Variants in KCNAB1 observed in about 807,000 individuals in gnomAD.
KCNAB1 encodes the protein voltage-gated potassium channel subunit beta-1.
KCNAB1 carries 35 observed loss-of-function variants against 64.6 expected under a neutral mutation model. That is an observed-to-expected ratio of 0.54 (90% confidence interval 0.41 to 0.72). The LOEUF is 0.72. Ranked by LOEUF, KCNAB1 falls within the 30% of genes least tolerant of loss-of-function variation. The pLI is 0.00. For missense variants in KCNAB1, 401 were observed against 512.9 expected (o/e 0.78, Z 2.11); for synonymous variants, 177 against 183.8 (o/e 0.96, Z 0.30).
At chr3:156,460,116 C>A in intron 5 of KCNAB1, 1 of 427,294 alleles carries the variant, frequency 2.3e-6, no homozygotes. Flanking sequence ...GGGGGATGTT[C>A]ATGAAATATT....
intron 1 of KCNAB1, among the ~76,000 whole-genome samples, chr3:156,232,190 T>A (rs1255026863): frequency 1.3e-5 from 2 of 152,214 alleles, no homozygotes; most frequent in Non-Finnish European, 2.9e-5. Context: ...GAAGTTAGAT[T>A]AATAATTTGC....
chr3:156,497,515 C>T lies in KCNAB1; in HGVS notation c.659-16849C>T, dbSNP rs114553971. 9.6e-3 allele frequency among the ~76,000 whole-genome samples: 1,459 copies of T among 152,270 alleles called. 30 individuals carry two copies. Among genetic ancestry groups the T allele is most frequent in the African/African-American group, 0.034 (1,405 of 41,550 alleles). On this transcript the variant is annotated intron_variant, in intron 8 of 13. Transcript: ENST00000490337. ...TCCCAAGAAGCTGATACACAGACAG[C>T]TGTATAAATAAAAATCTCTAGACAG...
At chr3:156,453,638 C>T (rs1485158322) in intron 3 of KCNAB1, among the ~76,000 whole-genome samples, 1 of 152,126 alleles carries the variant, frequency 6.6e-6, no homozygotes, top group African/African-American at 2.4e-5. Flanking sequence ...TTTATCATTT[C>T]CTTTAAGGAA....
At chr3:156,306,320 G>A (rs1243070369) in intron 1 of KCNAB1, among the ~76,000 whole-genome samples, 1 of 152,142 alleles carries the variant, frequency 6.6e-6, no homozygotes, top group Non-Finnish European at 1.5e-5. Context: ...CTAGGCAGCA[G>A]GGCCACTTGA....
chr3:156,433,828 CTACA>C (rs1716398419), intron 2 of KCNAB1, among the ~76,000 whole-genome samples: 1 of 152,152 alleles, frequency 6.6e-6, no homozygotes, highest in Non-Finnish European at 1.5e-5. Context: ...TAGAGGCTTC[CTACA>C]AGTTCCCATC....
At chr3:156,236,096 TAAC>T (rs1716832530) in intron 1 of KCNAB1, among the ~76,000 whole-genome samples, 1 of 152,058 alleles carries the variant, frequency 6.6e-6, no homozygotes. Flanking sequence ...ATAATAACAA[TAAC>T]AATAATCACA....
intron 1 of KCNAB1, among the ~76,000 whole-genome samples, chr3:156,385,017 A>T (rs1712479666): frequency 1.3e-5 from 2 of 152,222 alleles, no homozygotes; most frequent in African/African-American, 4.8e-5. Context: ...TTTGGATTGG[A>T]CTTTTCTCCT....
intron 8 of KCNAB1, among the ~76,000 whole-genome samples, chr3:156,480,215 C>T (rs1172597597): frequency 4.0e-5 from 6 of 151,844 alleles, no homozygotes; most frequent in South Asian, 2.1e-4. Flanking sequence ...TCAAGCCATT[C>T]GAAAAAACAT....
chr3:156,304,831 C>T (rs1237483422), intron 1 of KCNAB1, among the ~76,000 whole-genome samples: 1 of 152,144 alleles, frequency 6.6e-6, no homozygotes, highest in African/African-American at 2.4e-5. Context: ...AAAGCATCAT[C>T]AGGTGTTAAT....
chr3:156,331,508 T>C (rs1344410021), intron 1 of KCNAB1, among the ~76,000 whole-genome samples: 2 of 152,220 alleles, frequency 1.3e-5, no homozygotes, highest in African/African-American at 4.8e-5. Flanking sequence ...TCATTTCTTC[T>C]TAAGAGAATT....
rs146639383 is a variant in KCNAB1, at chr3:156,206,621, A to G, written c.275+85735A>G. On this transcript the variant is annotated intron_variant, in intron 1 of 13. Coordinates refer to ENST00000490337, the MANE Select transcript of KCNAB1 (RefSeq NM_172160.3). The stretch of plus-strand genomic sequence containing the variant: ...AACTAACTGAAACTGACTAACCACC[A>G]TTTTTTGGATAACCCAGCATAGGTA... Among the ~76,000 whole-genome samples, 431 of 152,264 alleles carry G rather than the reference A, an allele frequency of 2.8e-3. 4 individuals carry two copies. The highest frequency in any genetic ancestry group is 9.4e-3 in the African/African-American group (392 of 41,554).
At chr3:156,504,818 A>C (rs1305850193) in intron 8 of KCNAB1, among the ~76,000 whole-genome samples, 1 of 147,696 alleles carries the variant, frequency 6.8e-6, no homozygotes, top group Non-Finnish European at 1.5e-5. Flanking sequence ...TCCTTGTTAG[A>C]TGAATAATTC....
chr3:156,327,528 G>A (rs748493855), intron 1 of KCNAB1, among the ~76,000 whole-genome samples: 3 of 152,094 alleles, frequency 2.0e-5, no homozygotes, highest in South Asian at 2.1e-4. Flanking sequence ...TGTGTGTCAC[G>A]TATTGTGTTA....
intron 1 of KCNAB1, among the ~76,000 whole-genome samples, chr3:156,327,571 G>A (rs567467504): frequency 4.6e-5 from 7 of 152,194 alleles, no homozygotes; most frequent in African/African-American, 9.6e-5. Flanking sequence ...GGCTAGATCC[G>A]GGGCTTACAT....
intron 11 of KCNAB1, 86 bp downstream of exon 11, chr3:156,516,450 C>A: frequency 1.1e-6 from 1 of 951,326 alleles, no homozygotes; most frequent in Non-Finnish European, 1.7e-6. Flanking sequence ...CAGCCTAGGG[C>A]TTCCCAGCTC....
intron 1 of KCNAB1, among the ~76,000 whole-genome samples, chr3:156,302,062 G>T (rs754247053): frequency 3.3e-5 from 5 of 152,126 alleles, no homozygotes; most frequent in Non-Finnish European, 7.3e-5. Flanking sequence ...GAGGCTTCTG[G>T]TTGGAAATCC....
At chr3:156,431,794 G>T (rs929369342) in intron 2 of KCNAB1, among the ~76,000 whole-genome samples, 4 of 152,196 alleles carry the variant, frequency 2.6e-5, no homozygotes, top group Non-Finnish European at 5.9e-5. Flanking sequence ...ACCCATATGG[G>T]TTTATCTGGG....
At chr3:156,465,017 A>G (rs758718121) in intron 6 of KCNAB1, among the ~76,000 whole-genome samples, 1 of 152,200 alleles carries the variant, frequency 6.6e-6, no homozygotes, top group Non-Finnish European at 1.5e-5. Flanking sequence ...TGCCAAAGGT[A>G]TTGATGTTGA....
At chr3:156,129,519 G>C (rs1008251210) in intron 1 of KCNAB1, among the ~76,000 whole-genome samples, 1 of 152,170 alleles carries the variant, frequency 6.6e-6, no homozygotes, top group Non-Finnish European at 1.5e-5. Context: ...TATAAGCTCT[G>C]ATATCAGGCT....
Sources: allele counts gnomAD v4.1 joint callset (sites outside exome capture counted in the v4.1 genomes callset), GRCh38; gene constraint gnomAD v4.1.1; transcripts MANE v1.5; gene names NCBI Gene and HGNC (gene_info 2026-07-23, HGNC 2026-07-21).